Variants in SEMA5A observed in about 807,000 individuals in gnomAD.
SEMA5A encodes semaphorin-5A.
A neutral mutation model predicts 135.5 loss-of-function variants in SEMA5A; 55 were observed. That is an observed-to-expected ratio of 0.41 (90% confidence interval 0.33 to 0.51). The LOEUF is 0.51. SEMA5A is among the 20% of genes least tolerant of loss of function. SEMA5A has a pLI of 0.37. For synonymous variants in SEMA5A, 580 were observed against 546.5 expected (o/e 1.06, Z -0.85); for missense variants, 1,290 against 1,419.9 (o/e 0.91, Z 1.47).
At chr5:9,089,628 C>T (rs970416885) in intron 16 of SEMA5A, among the ~76,000 whole-genome samples, 1 of 152,092 alleles carries the variant, frequency 6.6e-6, no homozygotes, top group African/African-American at 2.4e-5. Flanking sequence ...TATTTCTTTA[C>T]CTTGTTGCAT....
At position 9,050,416 on chromosome 5, in the gene SEMA5A, A is replaced by G. The variant is rs1391423725; in HGVS notation, c.2887T>C (p.Cys963Arg). The stretch of plus-strand genomic sequence containing the variant: ...CTTAAAAGGAATAACGTACCTCCAC[A>G]CCTTTTCTCTTCTACGCTACTGGAT... ...ARSSSVEEKR[C>R]GEFNMFHMIA... The change falls in exon 21 of 23, where the codon TGT (cysteine) becomes CGT (arginine). Residue 963 changes from cysteine (C) to arginine (R), a missense_variant. Cys to Arg is a radical substitution (Grantham distance 180). Transcript: ENST00000382496. 6.2e-7 allele frequency: 1 copy of G among 1,612,314 alleles called. No homozygotes were observed. Among genetic ancestry groups the G allele is most frequent in the Admixed American group, 1.7e-5 (1 of 59,772 alleles).
intron 5 of SEMA5A, among the ~76,000 whole-genome samples, chr5:9,272,298 A>G (rs1442647009): frequency 6.6e-6 from 1 of 152,124 alleles, no homozygotes; most frequent in East Asian, 1.9e-4. Context: ...CAGCAAGGCC[A>G]CTGAAGCCAG....
intron 1 of SEMA5A, among the ~76,000 whole-genome samples, chr5:9,495,418 T>C (rs1006645108): frequency 6.6e-6 from 1 of 152,204 alleles, no homozygotes; most frequent in African/African-American, 2.4e-5. Flanking sequence ...CCTTAGCTTT[T>C]ACCCACCCAA....
chr5:9,076,868 TTGTGTGTGTGTGTGTG>T (rs70943938), intron 16 of SEMA5A, among the ~76,000 whole-genome samples: 39 of 144,098 alleles, frequency 2.7e-4, no homozygotes, highest in African/African-American at 7.9e-4. Context: ...ATTACGATCT[TTGTGTGTGTGTGTGTG>T]TGTGTGTGTG....
intron 2 of SEMA5A, among the ~76,000 whole-genome samples, chr5:9,395,250 G>C (rs376218065): frequency 6.6e-6 from 1 of 152,120 alleles, no homozygotes; most frequent in East Asian, 1.9e-4. Context: ...GCTGCAGTAC[G>C]GAAAAGAAAA....
chr5:9,175,515 C>T (rs1269513371), intron 11 of SEMA5A, among the ~76,000 whole-genome samples: 1 of 152,122 alleles, frequency 6.6e-6, no homozygotes, highest in African/African-American at 2.4e-5. Flanking sequence ...TGTTCACTGA[C>T]TTGATTTCAG....
chr5:9,183,267 G>A (rs575629208), intron 11 of SEMA5A, among the ~76,000 whole-genome samples: 62 of 152,246 alleles, frequency 4.1e-4, no homozygotes, highest in African/African-American at 1.4e-3. Flanking sequence ...TTGGACAGCC[G>A]CCTGGAGGTG....
chr5:9,344,099 T>C (rs1212158348), intron 3 of SEMA5A, among the ~76,000 whole-genome samples: 3 of 152,222 alleles, frequency 2.0e-5, no homozygotes, highest in Non-Finnish European at 1.5e-5. Context: ...ATAACCAACA[T>C]TTCTTACTTA....
intron 2 of SEMA5A, among the ~76,000 whole-genome samples, chr5:9,405,177 G>C (rs979486885): frequency 4.6e-5 from 7 of 152,276 alleles, no homozygotes; most frequent in African/African-American, 1.4e-4. Flanking sequence ...ACACCCACAT[G>C]TTACAGCATT....
intron 16 of SEMA5A, among the ~76,000 whole-genome samples, chr5:9,104,618 T>C (rs1235583206): frequency 6.6e-6 from 1 of 152,226 alleles, no homozygotes; most frequent in Non-Finnish European, 1.5e-5. Flanking sequence ...AACAGCTCTG[T>C]CATTCAAGTG....
Position 9,038,442 on chromosome 5 carries a change from C to G in SEMA5A, c.*4455G>C, listed in dbSNP as rs999747004. 6.6e-6 allele frequency: 1 copy of G among 152,122 alleles called. No homozygotes were observed. Among genetic ancestry groups the G allele is most frequent in the Admixed American group, 6.5e-5 (1 of 15,280 alleles). The allele number at this position is 152,122 out of a possible 1,614,324, so 9.4% of individuals were successfully genotyped here. A position where few individuals can be genotyped will look rare whatever the true frequency, so the allele number is the denominator to read the frequency against. ...AAACCCCATTGAAGTGTAAAGGATA[C>G]CCGGACCCTAAAGAAAGCTGATGGT... On this transcript the variant is annotated 3_prime_UTR_variant, in exon 23 of 23. Transcript: ENST00000382496.
At chr5:9,438,141 A>G (rs1456833756) in intron 1 of SEMA5A, among the ~76,000 whole-genome samples, 1 of 152,248 alleles carries the variant, frequency 6.6e-6, no homozygotes, top group East Asian at 1.9e-4. Context: ...AAGAACCATT[A>G]TTTCAAAATT....
chr5:9,489,953 T>C (rs923531411), intron 1 of SEMA5A, among the ~76,000 whole-genome samples: 1 of 152,196 alleles, frequency 6.6e-6, no homozygotes, highest in Non-Finnish European at 1.5e-5. Context: ...CTTCTTGCTA[T>C]GTGATTTTGC....
intron 16 of SEMA5A, among the ~76,000 whole-genome samples, chr5:9,096,256 T>C (rs947810495): frequency 6.6e-5 from 10 of 152,180 alleles, no homozygotes; most frequent in Admixed American, 6.5e-4. Flanking sequence ...TCATTAACTA[T>C]AGTCCTAATG....
At chr5:9,323,085 CTCTT>C in intron 4 of SEMA5A, among the ~76,000 whole-genome samples, 1 of 152,340 alleles carries the variant, frequency 6.6e-6, no homozygotes, top group South Asian at 2.1e-4. Context: ...CCTCTTTTCT[CTCTT>C]TTTATTTTGC....
At chr5:9,289,193 T>C (rs183043589) in intron 5 of SEMA5A, among the ~76,000 whole-genome samples, 368 of 152,344 alleles carry the variant, frequency 2.4e-3, no homozygotes, top group Middle Eastern at 0.017. Flanking sequence ...TATAAGTATA[T>C]TTTAAATACA....
At chr5:9,142,898 G>A (rs1308343272) in intron 12 of SEMA5A, among the ~76,000 whole-genome samples, 1 of 152,236 alleles carries the variant, frequency 6.6e-6, no homozygotes, top group African/African-American at 2.4e-5. Flanking sequence ...GCTGCAGTGA[G>A]CTGAGATCGT....
rs1044385779 is a variant in SEMA5A, at chr5:9,472,322, C to T, written c.-174-34470G>A. On this transcript the variant is annotated intron_variant, in intron 1 of 22. Transcript: ENST00000382496. ...GCATAAGAAAGACATCATCTAGTGCCCTGGAAGATGCTTTGTTTTGATTCT... is the reference window on the plus strand; with the variant it reads ...GCATAAGAAAGACATCATCTAGTGCTCTGGAAGATGCTTTGTTTTGATTCT... Among the ~76,000 whole-genome samples, 5 of 152,240 alleles carry T rather than the reference C, an allele frequency of 3.3e-5. No homozygotes were observed. The East Asian group carries it at 9.6e-4, about 29-fold the overall frequency.
intron 16 of SEMA5A, among the ~76,000 whole-genome samples, chr5:9,090,754 C>T (rs1041020754): frequency 2.6e-5 from 4 of 152,154 alleles, no homozygotes; most frequent in African/African-American, 7.2e-5. Context: ...GAATCTCAAG[C>T]GATTTTCCAA....
Sources: gnomAD v4.1 joint callset for allele counts (sites outside exome capture counted in the v4.1 genomes callset) on GRCh38, gnomAD v4.1.1 for gene constraint, MANE v1.5 for transcripts, NCBI Gene and HGNC (gene_info 2026-07-23, HGNC 2026-07-21) for gene names.